CEP44: variants seen among roughly 807,000 people sequenced by gnomAD.
CEP44 encodes centrosomal protein of 44 kDa.
Under a neutral mutation model 46.7 loss-of-function variants are expected in CEP44, and 45 were observed. The observed-to-expected ratio is 0.96, with a 90% CI of 0.76 to 1.24. The LOEUF (loss-of-function observed/expected upper bound fraction) is 1.24. Ranked by LOEUF, CEP44 falls within the 50% of genes most tolerant of loss-of-function variation. The pLI, the probability that CEP44 is intolerant of heterozygous loss-of-function variation, is 0.00. For synonymous variants in CEP44, 142 were observed against 146.0 expected (o/e 0.97, Z 0.20); for missense variants, 475 against 459.7 (o/e 1.03, Z -0.30).
chr4:174,298,974 A>T (rs1192720981), intron 2 of CEP44, 98 bp from the exon 3 acceptor site: 7 of 591,906 alleles, frequency 1.2e-5, no homozygotes, highest in Non-Finnish European at 2.1e-5. Flanking sequence ...GGGTAAGATA[A>T]ATATGGTAAG....
chr4:174,327,283 CTT>C (rs200491613), intron 8 of CEP44, among the ~76,000 whole-genome samples: 1,603 of 150,946 alleles, frequency 0.011, 27 homozygotes, highest in African/African-American at 0.037. Context: ...AATTATTAAA[CTT>C]ATATAAATTA....
At chr4:174,307,670 C>G (rs1457546846) in intron 6 of CEP44, among the ~76,000 whole-genome samples, 2 of 152,148 alleles carry the variant, frequency 1.3e-5, no homozygotes. Flanking sequence ...GCAAAGTAAA[C>G]AGACACCCTC....
intron 8 of CEP44, among the ~76,000 whole-genome samples, chr4:174,327,221 T>C (rs1236258241): frequency 6.7e-6 from 1 of 150,168 alleles, no homozygotes; most frequent in Non-Finnish European, 1.5e-5. Flanking sequence ...AACAGATAAA[T>C]GGTATCAAAA....
chr4:174,295,328 G>GCTGCAA (rs1158462940), intron 1 of CEP44, among the ~76,000 whole-genome samples: 1 of 149,520 alleles, frequency 6.7e-6, no homozygotes. Context: ...CCGGGTAGAG[G>GCTGCAA]TGCTCCTCAC....
rs544099308 is a variant in CEP44, at chr4:174,318,274, G to C, written c.*891G>C. ...GACAGGGTTTCTCCGTGTTGGTCAG[G>C]CTGGTCTCAAACTCCTGACCTCAGG... is the stretch of plus-strand genomic sequence containing the variant. On this transcript the variant is annotated 3_prime_UTR_variant, in exon 12 of 12. Coordinates refer to ENST00000503780, the MANE Select transcript of CEP44 (RefSeq NM_001040157.3). 9.8e-6 allele frequency: 9 copies of C among 918,102 alleles called. No homozygotes were observed. In the South Asian group the frequency reaches 4.0e-4, roughly 41 times the overall value. 56.9% of individuals were successfully genotyped at this position (918,102 alleles called of 1,614,324 possible).
chr4:174,308,436 T>C (rs1277780417), intron 6 of CEP44, among the ~76,000 whole-genome samples: 1 of 152,056 alleles, frequency 6.6e-6, no homozygotes, highest in Non-Finnish European at 1.5e-5. Flanking sequence ...TGAGATCACA[T>C]GGACACATAG....
rs193233394 is a variant in CEP44 at position 174,309,223 on chromosome 4, A to G, written c.678+364A>G. 1.1e-4 allele frequency among the ~76,000 whole-genome samples: 17 copies of G among 151,954 alleles called. No homozygotes were observed. In the East Asian group the frequency reaches 3.1e-3, roughly 28 times the overall value. ...GGAAAAGATTGGCACTTTATTGCCT[A>G]TTCATTTTCCTTTCTGGGTCCCTGC... On this transcript the variant is annotated intron_variant, in intron 7 of 11. Coordinates refer to ENST00000503780, the MANE Select transcript of CEP44 (RefSeq NM_001040157.3). This position sits in a 1 kb window ranked among gnomAD's most constrained non-coding sequence, Gnocchi z 5.3.
intron 1 of CEP44, among the ~76,000 whole-genome samples, chr4:174,294,662 C>T (rs1455567872): frequency 3.3e-5 from 5 of 149,628 alleles, no homozygotes; most frequent in African/African-American, 4.9e-5. Context: ...GGCGGCTGGC[C>T]GGGCGGGGGG....
In CEP44 at chr4:174,304,327, T is replaced by C. The variant is rs1740128790; in HGVS notation, c.465T>C (p.Ala155=). 1.2e-6 allele frequency: 2 copies of C among 1,611,930 alleles called. No homozygotes were observed. Among genetic ancestry groups the C allele is most frequent in the East Asian group, 2.2e-5 (1 of 44,730 alleles). ...GCAATGAGAAAATATCTGCAGAGGC[T>C]GTTGGCGTTGATATCAGTGGCAGGT... ...PLGNEKISAE[A]VGVDISGRFM... is the part of the protein sequence containing the mutation. The change falls in exon 6 of 12, where the codon GCT becomes GCC. Residue 155 remains alanine, a synonymous_variant. Coordinates refer to ENST00000503780, the MANE Select transcript of CEP44 (RefSeq NM_001040157.3).
At chr4:174,332,617 T>G (rs1223923198) in exon 9 of CEP44, 2 of 152,230 alleles carry the variant, frequency 1.3e-5, no homozygotes, top group African/African-American at 4.8e-5. Flanking sequence ...TATCTTAAAG[T>G]GTCAGATATT....
In CEP44 at chr4:174,297,320, T is replaced by A. The variant is rs1739153084; in HGVS notation, c.-147-646T>A. On this transcript the variant is annotated intron_variant, in intron 1 of 11. Coordinates refer to ENST00000503780, the MANE Select transcript of CEP44 (RefSeq NM_001040157.3). The surrounding 1 kb of genome is among the most constrained non-coding windows in gnomAD (Gnocchi z 4.3). ...CTCTATTTCCACCAAATTTTTCTTC[T>A]CTGCTTATTTTGTTTAAGGTATTTA... Among the ~76,000 whole-genome samples, 1 of 152,088 alleles carries A rather than the reference T, an allele frequency of 6.6e-6. No individual in the cohort carries two copies. Among genetic ancestry groups the A allele is most frequent in the Non-Finnish European group, 1.5e-5 (1 of 67,994 alleles).
chr4:174,308,252 T>G (rs898576373), intron 6 of CEP44, among the ~76,000 whole-genome samples: 1 of 152,094 alleles, frequency 6.6e-6, no homozygotes, highest in African/African-American at 2.4e-5. Flanking sequence ...ATAGAGCAGA[T>G]AAAGAAGATG....
chr4:174,300,628 T>G (rs1369338004), intron 3 of CEP44, among the ~76,000 whole-genome samples: 3 of 152,124 alleles, frequency 2.0e-5, no homozygotes, highest in Non-Finnish European at 4.4e-5. Flanking sequence ...CTGCAGGGTC[T>G]ATTGAGATTT....
Position 174,317,816 on chromosome 4 carries a change from TGA to T in CEP44, c.*434_*435del. ...TATACCATCTTGGCATCTGTACTGA[TGA>T]ATAAGTTATAATGAACAGTTAAAAA... On this transcript the variant is annotated 3_prime_UTR_variant, in exon 12 of 12. Coordinates refer to ENST00000503780, the MANE Select transcript of CEP44 (RefSeq NM_001040157.3). 2.0e-6 allele frequency: 2 copies of T among 986,088 alleles called. No homozygotes were observed. The highest frequency in any genetic ancestry group is 2.4e-6 in the Non-Finnish European group (2 of 830,080). The allele number at this position is 986,088 out of a possible 1,614,324, so 61.1% of individuals were successfully genotyped here.
intron 1 of CEP44, among the ~76,000 whole-genome samples, chr4:174,292,184 C>T (rs1041236414): frequency 6.6e-6 from 1 of 152,004 alleles, no homozygotes; most frequent in Non-Finnish European, 1.5e-5. Flanking sequence ...TATGTCATTC[C>T]CTCTCTCCTG....
chr4:174,327,183 ATATT>A (rs963990768), intron 8 of CEP44, among the ~76,000 whole-genome samples: 21 of 140,272 alleles, frequency 1.5e-4, no homozygotes, highest in Admixed American at 9.1e-4. Flanking sequence ...ATGTATATAT[ATATT>A]TAGAGAGAGA....
At chr4:174,320,704 A>ATGTGTGTGTGTGTGTATGTGTGTG (rs796604982), downstream of CEP44, among the ~76,000 whole-genome samples, 1 of 125,242 alleles carries the variant, frequency 8.0e-6, no homozygotes, top group Non-Finnish European at 1.8e-5. Context: ...GTGTGTGTGT[A>ATGTGTGTGTGTGTGTATGTGTGTG]TGTGTGTGTG....
chr4:174,316,149 A>T lies in CEP44; in HGVS notation c.962-17A>T, dbSNP rs753354502. On this transcript the variant is annotated splice_polypyrimidine_tract_variant and intron_variant, in intron 9 of 11. Transcript: ENST00000503780. ...CTGTGAAAGGAAAAGGTAATCTAAA[A>T]CTTAATTTCTTCACAGACAGAAAAA... 1.2e-6 allele frequency: 2 copies of T among 1,608,356 alleles called. No individual in the cohort carries two copies. The highest frequency in any genetic ancestry group is 1.7e-6 in the Non-Finnish European group (2 of 1,178,740).
chr4:174,328,248 G>GC (rs962242756), intron 8 of CEP44, among the ~76,000 whole-genome samples: 6 of 152,174 alleles, frequency 3.9e-5, no homozygotes, highest in African/African-American at 1.4e-4. Context: ...TGGCCATGTG[G>GC]CCGTTCCAGT....
Sources: allele counts gnomAD v4.1 joint callset (sites outside exome capture counted in the v4.1 genomes callset), GRCh38; gene constraint gnomAD v4.1.1; non-coding constraint Gnocchi (gnomAD v3.1); transcripts MANE v1.5; gene names NCBI Gene and HGNC (gene_info 2026-07-23, HGNC 2026-07-21).